Variants in DGKB observed in about 807,000 individuals in gnomAD.
The protein encoded by DGKB is 90 kDa diacylglycerol kinase.
DGKB carries 67 observed loss-of-function variants against 114.3 expected under a neutral mutation model. That is an observed-to-expected ratio of 0.59 (90% CI 0.48 to 0.72). The LOEUF (loss-of-function observed/expected upper bound fraction) is 0.72, where lower values mean the gene tolerates loss of function less well. DGKB is among the 30% of genes least tolerant of loss of function. The pLI, the probability that DGKB is intolerant of heterozygous loss-of-function variation, is 0.00. For synonymous variants in DGKB, 398 were observed against 323.1 expected (o/e 1.23, Z -2.49); for missense variants, 907 against 975.2 (o/e 0.93, Z 0.93).
chr7:14,504,584 AT>A (rs1447613221), intron 20 of DGKB, among the ~76,000 whole-genome samples: 1 of 152,166 alleles, frequency 6.6e-6, no homozygotes, highest in African/African-American at 2.4e-5. Flanking sequence ...GCACTGTAAA[AT>A]TTTAAGCACT....
chr7:14,655,905 G>A (rs1250572068), intron 13 of DGKB, among the ~76,000 whole-genome samples: 1 of 151,630 alleles, frequency 6.6e-6, no homozygotes, highest in East Asian at 1.9e-4. Flanking sequence ...AAAGAGAGAA[G>A]TTGGTTAACT....
chr7:14,264,687 G>GA, intron 23 of DGKB, among the ~76,000 whole-genome samples: 1 of 152,266 alleles, frequency 6.6e-6, no homozygotes, highest in East Asian at 1.9e-4. Context: ...AGACAACACA[G>GA]AAAGAAAGAG....
At chr7:14,209,552 A>G (rs780299877) in intron 23 of DGKB, 1 of 496,336 alleles carries the variant, frequency 2.0e-6, no homozygotes, top group Admixed American at 2.2e-5. Context: ...CTCCACTCCT[A>G]TTAATTTAAA....
At chr7:14,356,894 T>C (rs1288045945) in intron 21 of DGKB, among the ~76,000 whole-genome samples, 2 of 152,234 alleles carry the variant, frequency 1.3e-5, no homozygotes, top group African/African-American at 4.8e-5. Flanking sequence ...TCAGTTTCCC[T>C]GTAGTTGTGC....
At chr7:14,933,573 G>A (rs1240157757) in intron 1 of DGKB, among the ~76,000 whole-genome samples, 6 of 151,936 alleles carry the variant, frequency 3.9e-5, no homozygotes, top group Non-Finnish European at 8.8e-5. Context: ...ATTTCCTTCA[G>A]GATAAAAATT....
At chr7:14,500,250 AG>A (rs1368297576) in intron 20 of DGKB, among the ~76,000 whole-genome samples, 1 of 151,856 alleles carries the variant, frequency 6.6e-6, no homozygotes, top group Admixed American at 6.6e-5. Context: ...GTATTGATCC[AG>A]ACTATAAGTT....
chr7:14,886,207 G>T (rs183348276), intron 1 of DGKB, among the ~76,000 whole-genome samples: 9 of 151,882 alleles, frequency 5.9e-5, no homozygotes, highest in Non-Finnish European at 1.2e-4. Context: ...TTAAAAGATA[G>T]AATTTCAATT....
At chr7:14,952,917 T>C (rs185058484) in intron 1 of DGKB, among the ~76,000 whole-genome samples, 93 of 152,198 alleles carry the variant, frequency 6.1e-4, no homozygotes, top group Admixed American at 3.5e-3. Flanking sequence ...AACCATCACA[T>C]TTACAATTTG....
chr7:14,763,083 C>T (rs997968429), intron 2 of DGKB, among the ~76,000 whole-genome samples: 1 of 152,222 alleles, frequency 6.6e-6, no homozygotes, highest in African/African-American at 2.4e-5. Flanking sequence ...TCCATATTTA[C>T]TATTCAATAT....
intron 23 of DGKB, among the ~76,000 whole-genome samples, chr7:14,319,357 C>T (rs1807288784): frequency 6.6e-6 from 1 of 151,802 alleles, no homozygotes; most frequent in Admixed American, 6.6e-5. Context: ...TTCTATTAGA[C>T]CAGACATTAC....
At chr7:14,862,597 C>T (rs577984078) in intron 1 of DGKB, among the ~76,000 whole-genome samples, 20 of 152,156 alleles carry the variant, frequency 1.3e-4, no homozygotes, top group South Asian at 1.0e-3. Context: ...AGAATTCAAA[C>T]TCTTGGAGTT....
chr7:14,225,149 C>T (rs1199006792), intron 23 of DGKB, among the ~76,000 whole-genome samples: 1 of 151,984 alleles, frequency 6.6e-6, no homozygotes, highest in Admixed American at 6.6e-5. Flanking sequence ...TATTCACACT[C>T]TATGACAAAT....
At chr7:14,259,652 C>G (rs910010102) in intron 23 of DGKB, among the ~76,000 whole-genome samples, 1 of 152,134 alleles carries the variant, frequency 6.6e-6, no homozygotes, top group African/African-American at 2.4e-5. Context: ...TCTTGAACTC[C>G]TGGCCTCAGG....
At chr7:14,281,087 C>T (rs1397855796) in intron 23 of DGKB, among the ~76,000 whole-genome samples, 2 of 147,342 alleles carry the variant, frequency 1.4e-5, no homozygotes, top group Non-Finnish European at 3.0e-5. Flanking sequence ...AGAGTCAAGA[C>T]CCATCAGTGT....
At chr7:14,830,027 A>C (rs1303675441) in intron 2 of DGKB, among the ~76,000 whole-genome samples, 1 of 152,092 alleles carries the variant, frequency 6.6e-6, no homozygotes, top group Admixed American at 6.6e-5. Context: ...CCAGAAATAA[A>C]AAATGTTTAA....
intron 20 of DGKB, among the ~76,000 whole-genome samples, chr7:14,534,801 G>A (rs1045035050): frequency 1.3e-5 from 2 of 152,098 alleles, no homozygotes; most frequent in Non-Finnish European, 2.9e-5. Flanking sequence ...TATTAGTCAC[G>A]AAACAAATCT....
At chr7:14,151,406 GT>G (rs200407018) in intron 25 of DGKB, among the ~76,000 whole-genome samples, 6 of 146,952 alleles carry the variant, frequency 4.1e-5, no homozygotes, top group South Asian at 2.2e-4. Flanking sequence ...TCTTCTCTGT[GT>G]TTTTTTTTGG....
At chr7:14,542,590 C>T (rs1793640281) in intron 20 of DGKB, among the ~76,000 whole-genome samples, 1 of 152,134 alleles carries the variant, frequency 6.6e-6, no homozygotes, top group Admixed American at 6.6e-5. Flanking sequence ...CCTGAACCAT[C>T]CTGTAGCTGC....
At chr7:14,973,527 G>GTTTTTT (rs11300261) in intron 1 of DGKB, among the ~76,000 whole-genome samples, 6 of 137,294 alleles carry the variant, frequency 4.4e-5, no homozygotes, top group Non-Finnish European at 7.9e-5. Flanking sequence ...TTGTTTTTTT[G>GTTTTTT]TTTTTTTTTT....
Sources: allele counts gnomAD v4.1 joint callset (sites outside exome capture counted in the v4.1 genomes callset), GRCh38; gene constraint gnomAD v4.1.1; transcripts MANE v1.5; gene names NCBI Gene and HGNC (gene_info 2026-07-23, HGNC 2026-07-21).